CES5A: variants seen among roughly 807,000 people sequenced by gnomAD.
CES5A encodes the protein carboxylesterase 5A.
In CES5A, 67 loss-of-function variants were observed where a neutral mutation model predicts 62.9. That is an observed-to-expected ratio of 1.07 (90% confidence interval 0.88 to 1.31). The LOEUF is 1.31. CES5A is among the 50% of genes most tolerant of loss of function. The pLI is 0.00. For synonymous variants in CES5A, 296 were observed against 280.8 expected (o/e 1.05, Z -0.54); for missense variants, 748 against 708.5 (o/e 1.06, Z -0.63).
intron 1 of CES5A, among the ~76,000 whole-genome samples, chr16:55,895,734 G>T (rs761936162): frequency 1.3e-5 from 2 of 152,186 alleles, no homozygotes; most frequent in Admixed American, 1.3e-4. Context: ...TATTTTACAC[G>T]TGAGAAGAAC....
intron 1 of CES5A, among the ~76,000 whole-genome samples, chr16:55,918,898 TC>T (rs752758082): frequency 7.9e-5 from 12 of 152,118 alleles, no homozygotes; most frequent in Non-Finnish European, 1.8e-4. Context: ...CCTTCCCACT[TC>T]CCCACCCCTA....
At chr16:55,848,198 G>A (rs34581212) in intron 11 of CES5A, among the ~76,000 whole-genome samples, 17,822 of 152,114 alleles carry the variant, frequency 0.12, 1,162 homozygotes, top group Middle Eastern at 0.16. Flanking sequence ...CCTCGAACTC[G>A]GGCTCAAGTG....
At chr16:55,869,874 A>G in intron 3 of CES5A, 130 bp from the exon 4 acceptor site, 6 of 1,314,266 alleles carry the variant, frequency 4.6e-6, no homozygotes, top group Non-Finnish European at 6.1e-6. Flanking sequence ...AGGTTTTGTC[A>G]TTTGAAGAAG....
chr16:55,861,616 C>T (rs2033352730), intron 6 of CES5A, 100 bp from the exon 7 acceptor site: 8 of 793,444 alleles, frequency 1.0e-5, no homozygotes, highest in South Asian at 2.9e-5. Context: ...GCTGGCCCTC[C>T]ATATATGAGT....
intron 2 of CES5A, among the ~76,000 whole-genome samples, chr16:55,937,974 A>G (rs1470535099): frequency 6.6e-6 from 1 of 152,184 alleles, no homozygotes; most frequent in Non-Finnish European, 1.5e-5. Context: ...TTTGCCAAAT[A>G]CTATAGAGAA....
chr16:55,873,378 C>T (rs1199723930), intron 2 of CES5A, among the ~76,000 whole-genome samples: 2 of 152,132 alleles, frequency 1.3e-5, no homozygotes, highest in Non-Finnish European at 2.9e-5. Context: ...AGCTAACACC[C>T]TTCTAGTGTG....
At chr16:55,910,051 C>T (rs2034078463) in intron 1 of CES5A, among the ~76,000 whole-genome samples, 3 of 152,102 alleles carry the variant, frequency 2.0e-5, no homozygotes, top group Admixed American at 1.3e-4. Flanking sequence ...CTCAGTGAGC[C>T]CGACATGCCA....
upstream of CES5A, among the ~76,000 whole-genome samples, chr16:55,927,150 ACC>A (rs2034265312): frequency 6.6e-6 from 1 of 152,210 alleles, no homozygotes; most frequent in African/African-American, 2.4e-5. Flanking sequence ...AAGACTTGAA[ACC>A]AGAAAAATCT....
intron 1 of CES5A, among the ~76,000 whole-genome samples, chr16:55,955,647 T>C (rs2034601114): frequency 6.6e-6 from 1 of 152,238 alleles, no homozygotes; most frequent in African/African-American, 2.4e-5. Flanking sequence ...GAGCCTGCTC[T>C]GAGCCTGCCT....
chr16:55,889,497 T>A (rs1195005503), intron 1 of CES5A, among the ~76,000 whole-genome samples: 2 of 152,098 alleles, frequency 1.3e-5, no homozygotes, highest in South Asian at 4.1e-4. Context: ...GGAAAGGATA[T>A]TACAAAGGAT....
Position 55,861,451 on chromosome 16 carries a change from C to A in CES5A, c.876G>T (p.Leu292=), listed in dbSNP as rs763767988. Residue 292 remains leucine (L), a synonymous_variant, in exon 7 of 13, where the codon CTG becomes CTT. Transcript: ENST00000290567. The stretch of plus-strand genomic sequence containing the variant: ...GCAGCTCCTTGGAGGGTTTTGTCCT[C>A]AGGCACCTCAGCAGGGCCTCAGAGT... ...ASDSEALLRC[L]RTKPSKELLT... The A allele has an allele frequency of 1.9e-6, 3 of 1,613,924 alleles. No homozygotes were observed. In the South Asian group the frequency reaches 3.3e-5, roughly 18 times the overall value.
At chr16:55,892,677 G>A (rs1432549933) in intron 1 of CES5A, among the ~76,000 whole-genome samples, 1 of 149,282 alleles carries the variant, frequency 6.7e-6, no homozygotes, top group Non-Finnish European at 1.5e-5. Flanking sequence ...TTCCAGTTAG[G>A]ACATAGAAGC....
At chr16:55,883,419 G>C (rs2142426352) in intron 1 of CES5A, among the ~76,000 whole-genome samples, 1 of 152,162 alleles carries the variant, frequency 6.6e-6, no homozygotes. Context: ...TTACAGGCAT[G>C]CACCACCACA....
chr16:55,946,959 C>T (rs1450422574), intron 2 of CES5A, among the ~76,000 whole-genome samples: 4 of 152,186 alleles, frequency 2.6e-5, no homozygotes, highest in Non-Finnish European at 4.4e-5. Context: ...TTCACATCTG[C>T]TCACATCCCA....
intron 8 of CES5A, among the ~76,000 whole-genome samples, chr16:55,859,268 T>G (rs1381544174): frequency 6.6e-6 from 1 of 152,238 alleles, no homozygotes; most frequent in African/African-American, 2.4e-5. Flanking sequence ...TAATACTGTT[T>G]GAACAAAGAC....
At chr16:55,884,994 T>A (rs548039091) in intron 1 of CES5A, among the ~76,000 whole-genome samples, 1 of 152,186 alleles carries the variant, frequency 6.6e-6, no homozygotes, top group African/African-American at 2.4e-5. Flanking sequence ...CTACTACTGC[T>A]GAGAAGGGCC....
intron 1 of CES5A, among the ~76,000 whole-genome samples, chr16:55,922,808 T>C (rs1041166652): frequency 1.3e-5 from 2 of 151,922 alleles, no homozygotes; most frequent in African/African-American, 4.8e-5. Flanking sequence ...CAAGTCTCAA[T>C]ACATTTTAAA....
chr16:55,863,060 T>G (rs1379195557), intron 6 of CES5A, among the ~76,000 whole-genome samples: 21 of 152,226 alleles, frequency 1.4e-4, no homozygotes, highest in Admixed American at 5.9e-4. Context: ...CTGTATAGAA[T>G]ACAGGGGACT....
intron 1 of CES5A, among the ~76,000 whole-genome samples, chr16:55,887,044 A>C (rs1306726678): frequency 6.6e-6 from 1 of 152,158 alleles, no homozygotes; most frequent in African/African-American, 2.4e-5. Context: ...TGGTATCAAC[A>C]CGCTGCAGGG....
Sources: gnomAD v4.1 joint callset for allele counts (sites outside exome capture counted in the v4.1 genomes callset) on GRCh38, gnomAD v4.1.1 for gene constraint, MANE v1.5 for transcripts, NCBI Gene and HGNC (gene_info 2026-07-23, HGNC 2026-07-21) for gene names.